The following SPON1 variants were observed in gnomAD, a reference collection of about 807,000 sequenced individuals.
SPON1 encodes spondin-1.
Under a neutral mutation model 111.7 loss-of-function variants are expected in SPON1, and 52 were observed. That is an observed-to-expected ratio of 0.47 (90% CI 0.37 to 0.59). The LOEUF (loss-of-function observed/expected upper bound fraction) is 0.59, where lower values mean the gene tolerates loss of function less well. Among genes scored for constraint, SPON1 ranks in the 20% least tolerant of loss-of-function variants. The pLI is 0.00. For synonymous variants in SPON1, 410 were observed against 395.8 expected, an observed-to-expected ratio of 1.04 and a Z score of -0.43; for missense variants, 957 against 1,068.5, an observed-to-expected ratio of 0.90 and a Z score of 1.46.
At chr11:13,974,815 T>C (rs1453854006) in intron 1 of SPON1, among the ~76,000 whole-genome samples, 2 of 152,210 alleles carry the variant, frequency 1.3e-5, no homozygotes, top group East Asian at 3.8e-4. Context: ...ACACTTCTTA[T>C]CAAGGCATTG....
intron 2 of SPON1, among the ~76,000 whole-genome samples, chr11:14,003,515 T>G (rs1294690470): frequency 6.6e-6 from 1 of 152,080 alleles, no homozygotes; most frequent in Non-Finnish European, 1.5e-5. Flanking sequence ...TCTGGGAATG[T>G]TCAAGGCCCC....
chr11:14,239,408 A>T (rs1238162441), intron 6 of SPON1, among the ~76,000 whole-genome samples: 2 of 152,188 alleles, frequency 1.3e-5, no homozygotes, highest in Non-Finnish European at 2.9e-5. Context: ...TGAGAAAACT[A>T]AGAGAGGTCA....
intron 2 of SPON1, among the ~76,000 whole-genome samples, chr11:14,017,922 C>A (rs1412995650): frequency 1.3e-5 from 2 of 152,140 alleles, no homozygotes; most frequent in Non-Finnish European, 2.9e-5. Context: ...ATGTATTGAT[C>A]AAACTAATGA....
intron 6 of SPON1, among the ~76,000 whole-genome samples, chr11:14,155,735 G>A (rs1251795504): frequency 7.3e-6 from 1 of 137,068 alleles, no homozygotes; most frequent in African/African-American, 2.6e-5. Flanking sequence ...CCACCTATGA[G>A]TGAGAATATG....
intron 6 of SPON1, among the ~76,000 whole-genome samples, chr11:14,151,439 A>T (rs1161551726): frequency 6.6e-6 from 1 of 152,186 alleles, no homozygotes; most frequent in East Asian, 1.9e-4. Context: ...TTAGGAAGCC[A>T]TTGAGGGTTT....
intron 6 of SPON1, among the ~76,000 whole-genome samples, chr11:14,183,403 C>T (rs115298381): frequency 3.5e-4 from 54 of 152,304 alleles, no homozygotes; most frequent in Middle Eastern, 3.4e-3. Flanking sequence ...GACCCTTTAC[C>T]ACACAAAATC....
intron 4 of SPON1, among the ~76,000 whole-genome samples, chr11:14,075,972 G>A (rs1324016628): frequency 3.9e-5 from 6 of 152,128 alleles, no homozygotes; most frequent in Non-Finnish European, 5.9e-5. Context: ...AAAGCTCATG[G>A]AGGCTAACTA....
intron 6 of SPON1, among the ~76,000 whole-genome samples, chr11:14,149,512 A>G (rs1847763501): frequency 6.6e-6 from 1 of 152,204 alleles, no homozygotes; most frequent in Non-Finnish European, 1.5e-5. Context: ...TTATAAATTT[A>G]GTGTAGCCTA....
At position 14,144,041 on chromosome 11, in the gene SPON1, C is replaced by A. The variant is rs115300006; in HGVS notation, c.825+8473C>A. Among the ~76,000 whole-genome samples the A allele has an allele frequency of 3.5e-3, 540 of 152,264 alleles. 3 individuals carry two copies. The highest frequency in any genetic ancestry group is 0.013 in the African/African-American group (521 of 41,536). On this transcript the variant is annotated intron_variant, in intron 6 of 15. Coordinates refer to ENST00000576479, the MANE Select transcript of SPON1 (RefSeq NM_006108.4). ...TCTGACCTCGAGTAGGTCACCTAAGCTCACTGAGCCTTAGATTTTACATTT... is the reference window on the plus strand; with the variant it reads ...TCTGACCTCGAGTAGGTCACCTAAGATCACTGAGCCTTAGATTTTACATTT...
chr11:14,122,209 C>G (rs1311807808), intron 5 of SPON1, among the ~76,000 whole-genome samples: 1 of 152,114 alleles, frequency 6.6e-6, no homozygotes, highest in African/African-American at 2.4e-5. Flanking sequence ...GAGTCTTGCT[C>G]TGTCGCCCAG....
At chr11:14,147,751 C>CTTTTTTTT (rs66888680) in intron 6 of SPON1, among the ~76,000 whole-genome samples, 1 of 145,702 alleles carries the variant, frequency 6.9e-6, no homozygotes, top group Non-Finnish European at 1.5e-5. Flanking sequence ...AATACTAAGA[C>CTTTTTTTT]TTTTTTTTTT....
chr11:14,199,317 G>A (rs960835932), intron 6 of SPON1, among the ~76,000 whole-genome samples: 3 of 151,542 alleles, frequency 2.0e-5, no homozygotes, highest in African/African-American at 4.9e-5. Context: ...AACTCTCTTC[G>A]TAATAGCACC....
chr11:14,164,934 C>T (rs891296283), intron 6 of SPON1, among the ~76,000 whole-genome samples: 3 of 152,116 alleles, frequency 2.0e-5, no homozygotes, highest in Non-Finnish European at 4.4e-5. Context: ...CCAGCTGGTC[C>T]ATCAAGTGCA....
At chr11:14,065,630 T>C (rs1848826861) in intron 3 of SPON1, among the ~76,000 whole-genome samples, 1 of 152,224 alleles carries the variant, frequency 6.6e-6, no homozygotes, top group South Asian at 2.1e-4. Flanking sequence ...AAAAAGTGTA[T>C]ATCTTAGTTG....
chr11:14,262,618 A>T, intron 14 of SPON1, 94 bp from the exon 15 acceptor site: 1 of 1,498,500 alleles, frequency 6.7e-7, no homozygotes, highest in Admixed American at 1.8e-5. Flanking sequence ...CCTGCTTTGC[A>T]TCCCTCATAG....
chr11:14,257,185 G>A (rs1236999184), intron 10 of SPON1, among the ~76,000 whole-genome samples: 5 of 152,216 alleles, frequency 3.3e-5, no homozygotes, highest in African/African-American at 1.2e-4. Context: ...TTCTGTCTCA[G>A]TTTCCTCAAC....
At chr11:14,255,577 A>T (rs1279416114) in intron 8 of SPON1, 70 bp from the exon 9 acceptor site, 12 of 1,491,856 alleles carry the variant, frequency 8.0e-6, no homozygotes, top group Non-Finnish European at 1.0e-5. Context: ...TCTGATCCAT[A>T]TAACAAATGG....
At chr11:14,245,488 G>A (rs1848979236) in intron 7 of SPON1, among the ~76,000 whole-genome samples, 1 of 152,156 alleles carries the variant, frequency 6.6e-6, no homozygotes, top group Admixed American at 6.5e-5. Context: ...ATACTCCAAG[G>A]GGATAAATGT....
chr11:14,247,283 G>T (rs903807198), intron 7 of SPON1, among the ~76,000 whole-genome samples: 2 of 152,138 alleles, frequency 1.3e-5, no homozygotes, highest in Admixed American at 6.5e-5. Context: ...GGTGGCTTGT[G>T]CCTGTGGTCT....
Sources: gnomAD v4.1 joint callset for allele counts (sites outside exome capture counted in the v4.1 genomes callset) on GRCh38, gnomAD v4.1.1 for gene constraint, MANE v1.5 for transcripts, NCBI Gene and HGNC (gene_info 2026-07-23, HGNC 2026-07-21) for gene names.